The following RYR3 variants were observed in gnomAD, a reference collection of about 807,000 sequenced individuals.
The protein encoded by RYR3 is ryanodine receptor 3.
RYR3 carries 207 observed loss-of-function variants against 584.3 expected under a neutral mutation model. The observed-to-expected ratio is 0.35, with a 90% CI of 0.32 to 0.40. The LOEUF (loss-of-function observed/expected upper bound fraction) is 0.40. RYR3 is among the 10% of genes least tolerant of loss of function. RYR3 has a pLI of 1.00. For synonymous variants in RYR3, 2,416 were observed against 2,248.5 expected (o/e 1.07, Z -2.11); for missense variants, 5,616 against 6,089.2 (o/e 0.92, Z 2.59).
chr15:33,345,322 G>C (rs1318144355), intron 1 of RYR3, among the ~76,000 whole-genome samples: 1 of 152,044 alleles, frequency 6.6e-6, no homozygotes, highest in Non-Finnish European at 1.5e-5. Flanking sequence ...TCATCTAGCA[G>C]CTATTTTATA....
intron 51 of RYR3, among the ~76,000 whole-genome samples, chr15:33,741,771 G>A (rs1052235551): frequency 6.6e-6 from 1 of 151,932 alleles, no homozygotes; most frequent in African/African-American, 2.4e-5. Context: ...CAGCCACTAC[G>A]CCCGGCTAAT....
At position 33,860,630 on chromosome 15, in the gene RYR3, C is replaced by G; in HGVS notation, c.14335C>G (p.Gln4779Glu). ...TGATGCTTTCGGAGAGCTAAGAGAC[C>G]AGCAGGAACAAGTACGAGAAGATAT... is the stretch of plus-strand genomic sequence containing the variant. Reference protein sequence around the residue: ...IIDAFGELRDQQEQVREDMET... With the variant: ...IIDAFGELRDEQEQVREDMET... The change falls in exon 101 of 104, where the codon CAG (glutamine) becomes GAG (glutamate). Residue 4779 changes from glutamine (Q) to glutamate (E), a missense_variant. Gln to Glu is a conservative substitution (Grantham distance 29). This residue lies in a region of RYR3 where 918 missense variants were observed against 887.4 expected (regional missense o/e 1.03). Transcript: ENST00000634891. 1 of 1,593,800 alleles carries G rather than the reference C, an allele frequency of 6.3e-7. No individual in the cohort carries two copies. Among genetic ancestry groups the G allele is most frequent in the Non-Finnish European group, 8.6e-7 (1 of 1,169,132 alleles).
At chr15:33,791,497 G>A (rs2075155573) in intron 67 of RYR3, among the ~76,000 whole-genome samples, 1 of 152,182 alleles carries the variant, frequency 6.6e-6, no homozygotes, top group Non-Finnish European at 1.5e-5. Flanking sequence ...TGAAGATGGG[G>A]AAAGGTGCCT....
chr15:33,513,225 G>A lies in RYR3; in HGVS notation c.279+9487G>A, dbSNP rs1304499826. Among the ~76,000 whole-genome samples, 9 of 152,270 alleles carry A rather than the reference G, an allele frequency of 5.9e-5. No homozygotes were observed. In the East Asian group the frequency reaches 1.5e-3, roughly 26 times the overall value. On this transcript the variant is annotated intron_variant, in intron 3 of 103. Transcript: ENST00000634891. ...TGAGTTTAAATTACATATTTGTAGT[G>A]AGAAATGAATGAACTAGAGCAAACT...
intron 1 of RYR3, among the ~76,000 whole-genome samples, chr15:33,430,317 A>G (rs1419613574): frequency 6.6e-6 from 1 of 152,238 alleles, no homozygotes; most frequent in Non-Finnish European, 1.5e-5. Flanking sequence ...GGGAGAAGTC[A>G]CAGGCAAAAG....
chr15:33,330,472 C>T (rs925334118), intron 1 of RYR3, among the ~76,000 whole-genome samples: 14 of 152,148 alleles, frequency 9.2e-5, no homozygotes, highest in African/African-American at 3.4e-4. Flanking sequence ...TGTCCACAGG[C>T]TGGTTAACCC....
rs544092403 is a variant in RYR3 at position 33,587,433 on chromosome 15, A to G, written c.1788+1317A>G. ...TTAGAACACATAGTGTACTTAATAA[A>G]TAACCAACTTTGTTGTGGCTTCTTT... On this transcript the variant is annotated intron_variant, in intron 16 of 103. Transcript: ENST00000634891. Among the ~76,000 whole-genome samples, 33 of 152,344 alleles carry G rather than the reference A, an allele frequency of 2.2e-4. 1 individual carries two copies. In the South Asian group the frequency reaches 6.8e-3, roughly 32 times the overall value.
intron 48 of RYR3, among the ~76,000 whole-genome samples, chr15:33,734,758 C>A (rs538258990): frequency 1.6e-3 from 233 of 148,914 alleles, no homozygotes; most frequent in Non-Finnish European, 2.2e-3. Context: ...GGTGCCATCT[C>A]CACTCTCTGC....
chr15:33,421,507 G>A (rs977903771), intron 1 of RYR3, among the ~76,000 whole-genome samples: 5 of 152,142 alleles, frequency 3.3e-5, no homozygotes, highest in East Asian at 1.9e-4. Flanking sequence ...ATAAAAAGGC[G>A]AAGGAAGCCT....
intron 51 of RYR3, among the ~76,000 whole-genome samples, chr15:33,741,893 C>T (rs935271365): frequency 1.3e-5 from 2 of 152,148 alleles, no homozygotes; most frequent in African/African-American, 4.8e-5. Context: ...GGATTACAGG[C>T]GTGAGCCACA....
chr15:33,507,830 A>G (rs1321039146), intron 3 of RYR3, among the ~76,000 whole-genome samples: 2 of 152,122 alleles, frequency 1.3e-5, no homozygotes, highest in African/African-American at 2.4e-5. Flanking sequence ...CACATCTTCA[A>G]GATGCAATCT....
intron 52 of RYR3, among the ~76,000 whole-genome samples, chr15:33,743,655 T>C (rs2070396870): frequency 6.6e-6 from 1 of 152,198 alleles, no homozygotes; most frequent in South Asian, 2.1e-4. Flanking sequence ...AGCCAAGCCA[T>C]CACTCAACCA....
chr15:33,807,835 C>T, intron 70 of RYR3: 2 of 517,408 alleles, frequency 3.9e-6, no homozygotes, highest in South Asian at 2.5e-5. Flanking sequence ...TCTCCAGCTG[C>T]CCTCTCGGCA....
chr15:33,806,856 C>T (rs116849162), intron 69 of RYR3, among the ~76,000 whole-genome samples: 6,946 of 151,356 alleles, frequency 0.046, 226 homozygotes, highest in South Asian at 0.08. Context: ...TGAGCTCAAG[C>T]GATCCTCCTG....
intron 1 of RYR3, among the ~76,000 whole-genome samples, chr15:33,366,230 T>C (rs1975478996): frequency 6.6e-6 from 1 of 152,170 alleles, no homozygotes; most frequent in African/African-American, 2.4e-5. Flanking sequence ...AAAATATGGG[T>C]TGATTATTTA....
At chr15:33,780,978 C>T (rs577244258) in intron 65 of RYR3, among the ~76,000 whole-genome samples, 28 of 152,322 alleles carry the variant, frequency 1.8e-4, no homozygotes, top group Non-Finnish European at 1.5e-4. Flanking sequence ...CACCTACTTA[C>T]GTACATTTGG....
Position 33,696,399 on chromosome 15 carries a change from C to T in RYR3, c.6042C>T (p.Thr2014=), listed in dbSNP as rs2065868569. The T allele has an allele frequency of 6.2e-7, 1 of 1,613,806 alleles. No individual in the cohort carries two copies. Among genetic ancestry groups the T allele is most frequent in the Admixed American group, 1.7e-5 (1 of 59,994 alleles). ...TCAGCCACACCTCTGTAAGCGACAC[C>T]ATCAACCTGCTGGCTGCCCTGGGCC... The part of the protein sequence containing the change: ...YTISHTSVSD[T]INLLAALGQI... The change falls in exon 39 of 104, where the codon ACC becomes ACT. Residue 2014 remains threonine (T), a synonymous_variant. Coordinates refer to ENST00000634891, the MANE Select transcript of RYR3 (RefSeq NM_001036.6).
chr15:33,576,523 A>T (rs2058310162), intron 12 of RYR3, among the ~76,000 whole-genome samples: 1 of 152,240 alleles, frequency 6.6e-6, no homozygotes, highest in South Asian at 2.1e-4. Flanking sequence ...AAATCACATG[A>T]TTATCTTCAT....
chr15:33,684,541 A>G (rs185964119), intron 38 of RYR3, among the ~76,000 whole-genome samples: 7 of 152,356 alleles, frequency 4.6e-5, no homozygotes, highest in Non-Finnish European at 1.0e-4. Flanking sequence ...ATGATTATCC[A>G]GGAAAACTTC....
Sources: gnomAD v4.1 joint callset for allele counts (sites outside exome capture counted in the v4.1 genomes callset) on GRCh38, gnomAD v4.1.1 for gene constraint, gnomAD v4.1.1 regional missense constraint, MANE v1.5 for transcripts, NCBI Gene and HGNC (gene_info 2026-07-23, HGNC 2026-07-21) for gene names.